The following RIMS1 variants were observed in gnomAD, a reference collection of about 807,000 sequenced individuals.
RIMS1 encodes regulating synaptic membrane exocytosis 1, also known as regulating synaptic membrane exocytosis protein 1.
A neutral mutation model predicts 214.1 loss-of-function variants in RIMS1; 83 were observed. That is an observed-to-expected ratio of 0.39 (90% CI 0.32 to 0.47). The LOEUF is 0.47. RIMS1 is among the 20% of genes least tolerant of loss of function. The pLI is 0.99. For synonymous variants in RIMS1, 793 were observed against 786.8 expected (o/e 1.01, Z -0.13); for missense variants, 2,050 against 2,161.8 (o/e 0.95, Z 1.03).
chr6:71,888,670 G>A (rs1352491952), intron 1 of RIMS1, among the ~76,000 whole-genome samples: 1 of 152,200 alleles, frequency 6.6e-6, no homozygotes, highest in African/African-American at 2.4e-5. Context: ...GGAGAGATGT[G>A]GCTGTTAGGT....
chr6:72,299,257 G>A (rs563022515), intron 26 of RIMS1, among the ~76,000 whole-genome samples: 1 of 151,830 alleles, frequency 6.6e-6, no homozygotes, highest in East Asian at 1.9e-4. Flanking sequence ...TTAAGTTTTT[G>A]GCTCTTGGAA....
intron 2 of RIMS1, among the ~76,000 whole-genome samples, chr6:72,025,269 T>C (rs1223987372): frequency 6.6e-6 from 1 of 152,162 alleles, no homozygotes; most frequent in Non-Finnish European, 1.5e-5. Context: ...GACATTTGCT[T>C]CTTTGAGTTT....
Position 71,998,054 on chromosome 6 carries a change from T to G in RIMS1, c.245+28991T>G, listed in dbSNP as rs4410696. Reference sequence around the variant, plus strand: ...GGCATCTAAAATGTTTAATGATTACTGGCAAAGATTAGAGAAGCTTCTCTC... The same window carrying G: ...GGCATCTAAAATGTTTAATGATTACGGGCAAAGATTAGAGAAGCTTCTCTC... On this transcript the variant is annotated intron_variant, in intron 2 of 33. Transcript: ENST00000521978. Among the ~76,000 whole-genome samples, 556 of 152,260 alleles carry G rather than the reference T, an allele frequency of 3.7e-3. 5 individuals are homozygous for G. Among genetic ancestry groups the G allele is most frequent in the African/African-American group, 0.013 (538 of 41,542 alleles).
At chr6:71,933,417 A>G (rs1456393434) in intron 1 of RIMS1, among the ~76,000 whole-genome samples, 2 of 152,156 alleles carry the variant, frequency 1.3e-5, no homozygotes, top group South Asian at 2.1e-4. Context: ...GGCACACAGT[A>G]GATGCTCTAA....
intron 2 of RIMS1, among the ~76,000 whole-genome samples, chr6:72,064,090 G>A (rs1386151423): frequency 6.6e-6 from 1 of 152,158 alleles, no homozygotes; most frequent in Non-Finnish European, 1.5e-5. Context: ...GGTCGAGGTG[G>A]GTGGATCACC....
chr6:72,248,276 T>C, intron 12 of RIMS1, 149 bp downstream of exon 12: 1 of 531,306 alleles, frequency 1.9e-6, no homozygotes, highest in Admixed American at 3.4e-5. Context: ...TTCATGCATT[T>C]TTTATTATTC....
At chr6:72,348,350 A>C (rs1401483834) in intron 29 of RIMS1, among the ~76,000 whole-genome samples, 1 of 151,848 alleles carries the variant, frequency 6.6e-6, no homozygotes, top group Non-Finnish European at 1.5e-5. Context: ...TTTGGTATAC[A>C]TGGTGGTCAT....
intron 4 of RIMS1, among the ~76,000 whole-genome samples, chr6:72,108,387 AC>A (rs1365807810): frequency 2.6e-5 from 4 of 152,050 alleles, no homozygotes; most frequent in Non-Finnish European, 5.9e-5. Flanking sequence ...ACTGGGCCTT[AC>A]CCAGTTCTAT....
chr6:72,247,302 G>A (rs567054866), intron 11 of RIMS1, among the ~76,000 whole-genome samples: 1 of 152,188 alleles, frequency 6.6e-6, no homozygotes, highest in South Asian at 2.1e-4. Context: ...AGATGGGGAG[G>A]CCGAGGTGGG....
chr6:71,999,210 G>T (rs1299143938), intron 2 of RIMS1, among the ~76,000 whole-genome samples: 1 of 152,002 alleles, frequency 6.6e-6, no homozygotes. Context: ...CATACCAAAT[G>T]TTGGTAATCT....
chr6:72,198,362 T>C (rs1051860265), intron 6 of RIMS1, among the ~76,000 whole-genome samples: 1 of 151,876 alleles, frequency 6.6e-6, no homozygotes, highest in African/African-American at 2.4e-5. Flanking sequence ...TGCAGTAACA[T>C]GGATGGAACT....
At chr6:72,395,370 A>T (rs528811871) in intron 31 of RIMS1, among the ~76,000 whole-genome samples, 1 of 152,092 alleles carries the variant, frequency 6.6e-6, no homozygotes, top group South Asian at 2.1e-4. Context: ...TCAGGACATC[A>T]TCTCAAGTCA....
chr6:72,223,809 G>A (rs989380707), intron 6 of RIMS1, among the ~76,000 whole-genome samples: 1 of 151,910 alleles, frequency 6.6e-6, no homozygotes, highest in African/African-American at 2.4e-5. Context: ...TTAGCCAGGC[G>A]TGGTGGTGGG....
At chr6:72,203,158 T>G (rs571754588) in intron 6 of RIMS1, among the ~76,000 whole-genome samples, 3 of 152,050 alleles carry the variant, frequency 2.0e-5, no homozygotes, top group Non-Finnish European at 4.4e-5. Context: ...TGGCTAATTT[T>G]TTGTATTTTT....
intron 4 of RIMS1, among the ~76,000 whole-genome samples, chr6:72,104,374 A>G (rs913799213): frequency 1.4e-4 from 21 of 152,244 alleles, no homozygotes; most frequent in Non-Finnish European, 3.1e-4. Context: ...ACAGATGCAC[A>G]TAAATACTGA....
intron 2 of RIMS1, among the ~76,000 whole-genome samples, chr6:72,011,723 GA>G (rs1356702269): frequency 6.6e-6 from 1 of 152,182 alleles, no homozygotes; most frequent in South Asian, 2.1e-4. Flanking sequence ...AAAGACACAT[GA>G]AAAAATGCTC....
chr6:72,346,349 T>C (rs1257321019), intron 29 of RIMS1, among the ~76,000 whole-genome samples: 1 of 151,824 alleles, frequency 6.6e-6, no homozygotes, highest in Non-Finnish European at 1.5e-5. Context: ...AATACAAGAA[T>C]AGAATCTTAA....
At chr6:71,958,488 G>T (rs1324876306) in intron 1 of RIMS1, among the ~76,000 whole-genome samples, 3 of 152,082 alleles carry the variant, frequency 2.0e-5, no homozygotes, top group African/African-American at 7.2e-5. Context: ...CATTACATTT[G>T]AGTTTTGAAA....
intron 22 of RIMS1, among the ~76,000 whole-genome samples, chr6:72,271,915 C>A (rs1176829196): frequency 6.6e-6 from 1 of 152,154 alleles, no homozygotes; most frequent in African/African-American, 2.4e-5. Context: ...CCTTTTTATT[C>A]AATCCTGTAG....
Sources: allele counts gnomAD v4.1 joint callset (sites outside exome capture counted in the v4.1 genomes callset), GRCh38; gene constraint gnomAD v4.1.1; transcripts MANE v1.5; gene names NCBI Gene and HGNC (gene_info 2026-07-23, HGNC 2026-07-21).